The following WARS2 variants were observed in gnomAD, a reference collection of about 807,000 sequenced individuals.
WARS2 encodes tryptophan--tRNA ligase, mitochondrial.
A neutral mutation model predicts 36.5 loss-of-function variants in WARS2; 28 were observed. The observed-to-expected ratio is 0.77, with a 90% confidence interval of 0.57 to 1.05. WARS2 has a LOEUF of 1.05. WARS2 is among the 50% of genes least tolerant of loss of function. The pLI is 0.00. For missense variants in WARS2, 435 were observed against 456.8 expected (o/e 0.95, Z 0.44); for synonymous variants, 174 against 178.4 (o/e 0.98, Z 0.20).
At chr1:119,077,100 T>C (rs1339405312) in intron 1 of WARS2, among the ~76,000 whole-genome samples, 1 of 126,422 alleles carries the variant, frequency 7.9e-6, no homozygotes, top group African/African-American at 3.1e-5. Flanking sequence ...ATTGCACCAC[T>C]GCACTCTAGC....
At chr1:119,076,718 G>T in intron 1 of WARS2, 111 bp from the exon 2 acceptor site, 1 of 1,449,188 alleles carries the variant, frequency 6.9e-7, no homozygotes. Flanking sequence ...ACTACAATCT[G>T]ACAGTCATCA....
chr1:119,074,536 C>T (rs919340472), intron 2 of WARS2, among the ~76,000 whole-genome samples: 35 of 152,128 alleles, frequency 2.3e-4, no homozygotes, highest in African/African-American at 8.2e-4. Flanking sequence ...GTAAGCAAAG[C>T]CTTCCTGACC....
intron 1 of WARS2, among the ~76,000 whole-genome samples, chr1:119,094,187 T>C (rs868193350): frequency 6.6e-6 from 1 of 152,202 alleles, no homozygotes; most frequent in Non-Finnish European, 1.5e-5. Flanking sequence ...ATTTCTTCCA[T>C]TTAAACAGTA....
At chr1:119,057,068 G>C (rs1173600322) in intron 2 of WARS2, among the ~76,000 whole-genome samples, 1 of 152,062 alleles carries the variant, frequency 6.6e-6, no homozygotes, top group Non-Finnish European at 1.5e-5. Context: ...CATCCAAGTG[G>C]GTGAACTGGT....
At chr1:119,129,651 G>C (rs144996163) in intron 1 of WARS2, among the ~76,000 whole-genome samples, 43 of 152,084 alleles carry the variant, frequency 2.8e-4, no homozygotes, top group African/African-American at 9.6e-4. Flanking sequence ...GGACATCAAG[G>C]CTGCAGTGAG....
At chr1:119,103,941 TA>T (rs1207924040) in intron 1 of WARS2, among the ~76,000 whole-genome samples, 12 of 150,510 alleles carry the variant, frequency 8.0e-5, no homozygotes, top group Non-Finnish European at 1.0e-4. Context: ...TTCTTTTAAT[TA>T]AAAAATGTAT....
chr1:119,051,948 C>T (rs907846685), intron 2 of WARS2, among the ~76,000 whole-genome samples: 9 of 151,540 alleles, frequency 5.9e-5, no homozygotes, highest in East Asian at 1.9e-4. Context: ...TTAGTAGAGA[C>T]GGGGTTTCAC....
chr1:119,042,721 A>AT (rs1648475662), intron 3 of WARS2, among the ~76,000 whole-genome samples: 1 of 152,220 alleles, frequency 6.6e-6, no homozygotes, highest in Non-Finnish European at 1.5e-5. Flanking sequence ...ACAAATTAAC[A>AT]TGAGTTAATA....
intron 1 of WARS2, among the ~76,000 whole-genome samples, chr1:119,128,598 C>T (rs917901895): frequency 5.8e-5 from 8 of 138,264 alleles, no homozygotes; most frequent in Non-Finnish European, 1.3e-4. Context: ...CCCCACCCTG[C>T]GCCCCCCACA....
chr1:119,126,514 T>C, intron 1 of WARS2: 1 of 519,030 alleles, frequency 1.9e-6, no homozygotes, highest in East Asian at 3.6e-5. Flanking sequence ...GGACTTTTTA[T>C]TTGCCACTAT....
At chr1:119,093,474 A>ATACTACATTATAGTGGGCTC (rs11273417) in intron 1 of WARS2, among the ~76,000 whole-genome samples, 2 of 146,722 alleles carry the variant, frequency 1.4e-5, no homozygotes, top group African/African-American at 5.1e-5. Flanking sequence ...AGATGAAGTC[A>ATACTACATTATAGTGGGCTC]TAAATACAAT....
intron 1 of WARS2, among the ~76,000 whole-genome samples, chr1:119,101,827 G>A (rs1653888662): frequency 6.6e-6 from 1 of 152,144 alleles, no homozygotes; most frequent in Admixed American, 6.5e-5. Context: ...AGAGCTACAA[G>A]CCGCAGAACA....
At chr1:119,130,242 AGTT>A (rs1234548840) in intron 1 of WARS2, among the ~76,000 whole-genome samples, 71 of 152,366 alleles carry the variant, frequency 4.7e-4, no homozygotes, top group African/African-American at 1.5e-3. Flanking sequence ...AAACCACATC[AGTT>A]GTTGTATAGA....
chr1:119,078,253 T>C (rs1182614917), intron 1 of WARS2, among the ~76,000 whole-genome samples: 1 of 152,132 alleles, frequency 6.6e-6, no homozygotes, highest in African/African-American at 2.4e-5. Flanking sequence ...AACTTTTCAG[T>C]CAGTTTAAAA....
chr1:119,106,854 G>A lies in WARS2; in HGVS notation c.91-30247C>T, dbSNP rs4625330. Among the ~76,000 whole-genome samples, 1,192 of 152,312 alleles carry A rather than the reference G, an allele frequency of 7.8e-3. 22 individuals carry two copies. The highest frequency in any genetic ancestry group is 0.027 in the African/African-American group (1,119 of 41,560). On this transcript the variant is annotated intron_variant, in intron 1 of 5. Transcript: ENST00000235521. ...GCATGAGTGCCAGATTGTATGGTAA[G>A]AGTATATTTAGTTTTGTAAGAAACT...
intron 1 of WARS2, among the ~76,000 whole-genome samples, chr1:119,106,096 G>C (rs886719117): frequency 6.6e-6 from 1 of 152,138 alleles, no homozygotes; most frequent in African/African-American, 2.4e-5. Context: ...AACCAACTTG[G>C]AATAGGCTGT....
At chr1:119,140,427 A>T in intron 1 of WARS2, 128 bp downstream of exon 1, 1 of 764,046 alleles carries the variant, frequency 1.3e-6, no homozygotes, top group Non-Finnish European at 2.1e-6. Flanking sequence ...ATAGACGAGT[A>T]GACCTTAGGC....
chr1:119,036,831 T>A (rs1038704447), intron 4 of WARS2, among the ~76,000 whole-genome samples: 1 of 152,242 alleles, frequency 6.6e-6, no homozygotes, highest in Non-Finnish European at 1.5e-5. Flanking sequence ...ATCTTTTTCA[T>A]CTGCCCCATT....
intron 1 of WARS2, chr1:119,082,368 T>C: frequency 2.0e-6 from 2 of 985,444 alleles, no homozygotes; most frequent in Non-Finnish European, 2.4e-6. Flanking sequence ...TGGAATGCTT[T>C]TGCACATGTA....
Sources: allele counts gnomAD v4.1 joint callset (sites outside exome capture counted in the v4.1 genomes callset), GRCh38; gene constraint gnomAD v4.1.1; transcripts MANE v1.5; gene names NCBI Gene and HGNC (gene_info 2026-07-23, HGNC 2026-07-21).